The following LRTM1 variants were observed in gnomAD, a reference collection of about 807,000 sequenced individuals.
LRTM1 encodes leucine-rich repeat and transmembrane domain-containing protein 1.
A neutral mutation model predicts 32.4 loss-of-function variants in LRTM1; 38 were observed. The ratio of observed to expected loss-of-function variants is 1.17; its 90% CI spans 0.91 to 1.54. The LOEUF (loss-of-function observed/expected upper bound fraction) is 1.54, where lower values mean the gene tolerates loss of function less well. Ranked by LOEUF, LRTM1 falls within the 40% of genes most tolerant of loss-of-function variation. The pLI, the probability that LRTM1 is intolerant of heterozygous loss-of-function variation, is 0.00. For synonymous variants in LRTM1, 186 were observed against 169.9 expected, an observed-to-expected ratio of 1.09 and a Z score of -0.74; for missense variants, 466 against 415.4, an observed-to-expected ratio of 1.12 and a Z score of -1.06.
intron 1 of LRTM1, among the ~76,000 whole-genome samples, chr3:54,936,210 A>G (rs969774836): frequency 3.3e-5 from 5 of 152,146 alleles, no homozygotes; most frequent in Non-Finnish European, 5.9e-5. Flanking sequence ...ATTAGCTAGT[A>G]TCTTCTATTA....
rs9876249 is a variant in LRTM1 at position 54,918,262 on chromosome 3, A to G, written c.*197T>C. The G allele has an allele frequency of 9.4e-3, 5,474 of 579,272 alleles. 263 individuals carry two copies. In the African/African-American group the frequency reaches 0.096, roughly 10 times the overall value. 35.9% of individuals were successfully genotyped at this position (579,272 alleles called of 1,614,324 possible). A position where few individuals can be genotyped will look rare whatever the true frequency, so the allele number is the denominator to read the frequency against. On this transcript the variant is annotated 3_prime_UTR_variant, in exon 3 of 3. Transcript: ENST00000273286. ...CACAAGTATCATCTTTATTTTACCTATAGTATTTTAAAAATCGCAACATAA... is the reference window on the plus strand; with the variant it reads ...CACAAGTATCATCTTTATTTTACCTGTAGTATTTTAAAAATCGCAACATAA...
chr3:54,944,643 G>A (rs547254196), intron 1 of LRTM1, among the ~76,000 whole-genome samples: 7 of 152,102 alleles, frequency 4.6e-5, no homozygotes, highest in South Asian at 2.1e-4. Context: ...GGATGGTCTC[G>A]AACTCCTGAC....
intron 2 of LRTM1, among the ~76,000 whole-genome samples, chr3:54,919,842 G>A (rs914354497): frequency 4.6e-5 from 7 of 152,206 alleles, no homozygotes; most frequent in South Asian, 2.1e-4. Flanking sequence ...CAGAGGTCAC[G>A]AGTGGATGAA....
intron 1 of LRTM1, among the ~76,000 whole-genome samples, chr3:54,942,974 A>T (rs4955909): frequency 2.0e-5 from 3 of 151,692 alleles, no homozygotes; most frequent in Non-Finnish European, 2.9e-5. Context: ...CAGTGAGCTG[A>T]GACTGTGCCA....
intron 1 of LRTM1, among the ~76,000 whole-genome samples, chr3:54,952,679 G>A (rs1701788747): frequency 6.6e-6 from 1 of 152,120 alleles, no homozygotes; most frequent in Non-Finnish European, 1.5e-5. Flanking sequence ...TGGTGTTCAT[G>A]GGTTCAAATT....
chr3:54,963,072 G>A (rs1188526073), intron 1 of LRTM1, among the ~76,000 whole-genome samples: 1 of 152,032 alleles, frequency 6.6e-6, no homozygotes, highest in Non-Finnish European at 1.5e-5. Flanking sequence ...AAACATAATA[G>A]CACTGCAAAT....
chr3:54,950,813 G>A (rs1701740071), intron 1 of LRTM1, among the ~76,000 whole-genome samples: 1 of 152,176 alleles, frequency 6.6e-6, no homozygotes, highest in Non-Finnish European at 1.5e-5. Context: ...ACGCACAGAG[G>A]AAGCATGGTG....
intron 1 of LRTM1, among the ~76,000 whole-genome samples, chr3:54,944,817 G>A (rs1701572847): frequency 1.0e-5 from 1 of 98,868 alleles, no homozygotes; most frequent in South Asian, 2.9e-4. Flanking sequence ...AGCTGGGGGT[G>A]TGTGTGTGTG....
At position 54,925,176 on chromosome 3, in the gene LRTM1, T is replaced by G. The variant is rs780640191; in HGVS notation, c.47A>C (p.Gln16Pro). 3.1e-6 allele frequency: 5 copies of G among 1,613,914 alleles called. No individual in the cohort carries two copies. The African/African-American group carries it at 6.7e-5, about 22-fold the overall frequency. Reference sequence around the variant, plus strand: ...CTTGTCCGGGCAGCTGCATACCACCTGGAGCAGGACAATCACACTGGAAAA... The same window carrying G: ...CTTGTCCGGGCAGCTGCATACCACCGGGAGCAGGACAATCACACTGGAAAA... ...LLFSSVIVLL[Q>P]VVCSCPDKCY... The change falls in exon 2 of 3, where the codon CAG becomes CCG. Residue 16 changes from glutamine to proline, a missense_variant. Physicochemically the swap from Gln to Pro is moderately conservative, Grantham distance 76 (BLOSUM62 -1). Coordinates refer to ENST00000273286, the MANE Select transcript of LRTM1 (RefSeq NM_020678.4).
chr3:54,960,187 T>A (rs1382610329), intron 1 of LRTM1, among the ~76,000 whole-genome samples: 1 of 152,086 alleles, frequency 6.6e-6, no homozygotes, highest in African/African-American at 2.4e-5. Flanking sequence ...TAGGGATGGT[T>A]ACAGATTAAA....
intron 1 of LRTM1, among the ~76,000 whole-genome samples, chr3:54,939,072 A>G (rs1701395909): frequency 6.6e-6 from 1 of 152,200 alleles, no homozygotes; most frequent in South Asian, 2.1e-4. Context: ...GTTATTTAGC[A>G]GTTTATTATT....
chr3:54,954,714 G>A (rs1485767272), intron 1 of LRTM1, among the ~76,000 whole-genome samples: 1 of 152,158 alleles, frequency 6.6e-6, no homozygotes, highest in Non-Finnish European at 1.5e-5. Flanking sequence ...GCTTTTGAGA[G>A]TCAAAAATCC....
chr3:54,934,606 CTT>C (rs1701283680), intron 1 of LRTM1, among the ~76,000 whole-genome samples: 1 of 152,208 alleles, frequency 6.6e-6, no homozygotes, highest in African/African-American at 2.4e-5. Context: ...TGGCCAAAAT[CTT>C]TCTTTTCAGC....
chr3:54,950,418 C>G (rs1515953), intron 1 of LRTM1, among the ~76,000 whole-genome samples: 63,909 of 152,052 alleles, frequency 0.42, 15,051 homozygotes, highest in East Asian at 0.75. Context: ...TTTAGGGAAC[C>G]TGTGTATGCT....
rs757969374 is a variant in LRTM1, at chr3:54,925,101, A to G, written c.122T>C (p.Leu41Pro). The G allele has an allele frequency of 1.2e-6, 2 of 1,614,138 alleles. No homozygotes were observed. The highest frequency in any genetic ancestry group is 1.7e-6 in the Non-Finnish European group (2 of 1,180,026). The stretch of plus-strand genomic sequence containing the variant: ...AGGTAAATGGGAAGGGATTTCGGCC[A>G]GACCCTGCTGGCTGCAGTCTACAAA... ...TNFVDCSQQG[L>P]AEIPSHLPPQ... The change falls in exon 2 of 3, where the codon CTG becomes CCG. Residue 41 changes from leucine (L) to proline (P), a missense_variant. Coordinates refer to ENST00000273286, the MANE Select transcript of LRTM1 (RefSeq NM_020678.4).
intron 1 of LRTM1, among the ~76,000 whole-genome samples, chr3:54,958,586 A>G (rs190511303): frequency 1.2e-4 from 19 of 152,250 alleles, no homozygotes; most frequent in African/African-American, 4.3e-4. Context: ...GAGTAAAGCA[A>G]TAGTTATTAT....
intron 1 of LRTM1, among the ~76,000 whole-genome samples, chr3:54,953,510 A>G (rs1053052892): frequency 6.6e-6 from 1 of 152,214 alleles, no homozygotes; most frequent in African/African-American, 2.4e-5. Context: ...CAGATGGCCC[A>G]TGCTGTGCGT....
intron 1 of LRTM1, among the ~76,000 whole-genome samples, chr3:54,957,190 G>A (rs996110781): frequency 2.0e-5 from 3 of 150,220 alleles, no homozygotes; most frequent in East Asian, 1.9e-4. Context: ...TAGAGACAGG[G>A]TTTCTGTCCC....
chr3:54,953,332 G>A (rs533350675), intron 1 of LRTM1, among the ~76,000 whole-genome samples: 2 of 152,294 alleles, frequency 1.3e-5, no homozygotes, highest in South Asian at 4.2e-4. Context: ...TCAAATCTGG[G>A]AAGGAAGCAG....
Sources: allele counts gnomAD v4.1 joint callset (sites outside exome capture counted in the v4.1 genomes callset), GRCh38; gene constraint gnomAD v4.1.1; transcripts MANE v1.5; gene names NCBI Gene and HGNC (gene_info 2026-07-23, HGNC 2026-07-21).